REXO5: variants seen among roughly 807,000 people sequenced by gnomAD.
REXO5 encodes RNA exonuclease 5, also known as exonuclease NEF-sp.
In REXO5, 48 loss-of-function variants were observed where a neutral mutation model predicts 88.5. The observed-to-expected ratio is 0.54, with a 90% CI of 0.43 to 0.69. The LOEUF is 0.69. Among genes scored for constraint, REXO5 ranks in the 30% least tolerant of loss-of-function variants. The probability of loss-of-function intolerance (pLI) is 0.00; values close to 1 mark genes in which losing one functional copy is unlikely to be tolerated. For synonymous variants in REXO5, 311 were observed against 336.5 expected, an observed-to-expected ratio of 0.92 and a Z score of 0.83; for missense variants, 749 against 912.2, an observed-to-expected ratio of 0.82 and a Z score of 2.30.
intron 13 of REXO5, among the ~76,000 whole-genome samples, chr16:20,833,605 G>C (rs976445728): frequency 1.3e-5 from 2 of 152,018 alleles, no homozygotes; most frequent in Non-Finnish European, 2.9e-5. Context: ...TAGAACACCT[G>C]TATACTTTCT....
chr16:20,836,925 T>C (rs2081439785), intron 13 of REXO5, among the ~76,000 whole-genome samples: 1 of 152,352 alleles, frequency 6.6e-6, no homozygotes, highest in South Asian at 2.1e-4. Flanking sequence ...ATCTCTTCTT[T>C]GGTGAAGTGT....
intron 11 of REXO5, among the ~76,000 whole-genome samples, chr16:20,830,864 C>G (rs1274461807): frequency 6.6e-6 from 1 of 151,880 alleles, no homozygotes; most frequent in Non-Finnish European, 1.5e-5. Context: ...CCTGAAGACC[C>G]AGGGACTCTG....
Position 20,825,964 on chromosome 16 carries a change from C to T in REXO5, c.821+16C>T, listed in dbSNP as rs2081254171. The T allele has an allele frequency of 1.3e-6, 2 of 1,530,394 alleles. No homozygotes were observed. The highest frequency in any genetic ancestry group is 2.7e-5 in the African/African-American group (2 of 73,274). 94.8% of individuals were successfully genotyped at this position (1,530,394 alleles called of 1,614,324 possible). Reference sequence around the variant, plus strand: ...ACCTCACCAGGTATTTTTCACCTTGCCTGCAGCTCTTCTAAGAGCTATCGG... The same window carrying T: ...ACCTCACCAGGTATTTTTCACCTTGTCTGCAGCTCTTCTAAGAGCTATCGG... On this transcript the variant is annotated intron_variant, in intron 8 of 19. Coordinates refer to ENST00000261377, the MANE Select transcript of REXO5 (RefSeq NM_030941.3).
rs774223735 is a variant in REXO5 at position 20,832,226 on chromosome 16, A to C, written c.1229A>C (p.Asn410Thr). 6.2e-7 allele frequency: 1 copy of C among 1,612,506 alleles called. No individual in the cohort carries two copies. The highest frequency in any genetic ancestry group is 1.3e-5 in the African/African-American group (1 of 74,854). The part of the protein sequence containing the change: ...EIQAAGQEPK[N>T]TAEVLQHPNT... ...CAAGCAGCAGGCCAAGAGCCTAAAAACACAGCAGAAGTACTTCAGCACCCA... is the reference window on the plus strand; with the variant it reads ...CAAGCAGCAGGCCAAGAGCCTAAAACCACAGCAGAAGTACTTCAGCACCCA... Residue 410 changes from asparagine to threonine, a missense_variant, in exon 12 of 20, where the codon AAC (asparagine) becomes ACC (threonine). Asn to Thr is a moderately conservative substitution (Grantham distance 65). Transcript: ENST00000261377.
chr16:20,817,273 C>T (rs2081095189), intron 5 of REXO5, among the ~76,000 whole-genome samples: 1 of 152,156 alleles, frequency 6.6e-6, no homozygotes, highest in Non-Finnish European at 1.5e-5. Flanking sequence ...CATGGATGCC[C>T]ATTTTTGATC....
chr16:20,807,862 C>T lies in REXO5; in HGVS notation c.138+771C>T, dbSNP rs570864966. ...TCGTGCAGTTTACATTCCAGTAGGG[C>T]GGGGGTCCCCAACCCCCTGTGCACA... On this transcript the variant is annotated intron_variant, in intron 2 of 19. Transcript: ENST00000261377. 9.2e-5 allele frequency among the ~76,000 whole-genome samples: 14 copies of T among 152,226 alleles called. No individual in the cohort carries two copies. The East Asian group carries it at 1.5e-3, about 17-fold the overall frequency.
At chr16:20,810,588 A>G (rs996990943) in intron 2 of REXO5, among the ~76,000 whole-genome samples, 1 of 152,058 alleles carries the variant, frequency 6.6e-6, no homozygotes, top group African/African-American at 2.4e-5. Context: ...TTTAGTGGAG[A>G]TGGCGTTTGA....
chr16:20,829,159 A>G (rs1051949288), intron 11 of REXO5, among the ~76,000 whole-genome samples: 7 of 152,234 alleles, frequency 4.6e-5, no homozygotes, highest in African/African-American at 4.8e-5. Flanking sequence ...TCTGAACAAC[A>G]TCAGTTTTTG....
intron 12 of REXO5, 25 bp from the exon 13 acceptor site, chr16:20,832,978 C>T: frequency 6.2e-7 from 1 of 1,601,812 alleles, no homozygotes; most frequent in South Asian, 1.1e-5. Flanking sequence ...GTTGTTCTTA[C>T]CTTAACTCTT....
intron 6 of REXO5, 119 bp downstream of exon 6, chr16:20,822,021 A>G (rs1245437507): frequency 1.0e-6 from 1 of 991,566 alleles, no homozygotes; most frequent in East Asian, 2.8e-5. Flanking sequence ...TTCTTATTTC[A>G]TCTTCTATTA....
At chr16:20,813,134 T>A in intron 2 of REXO5, 56 bp from the exon 3 acceptor site, 1 of 1,139,200 alleles carries the variant, frequency 8.8e-7, no homozygotes. Context: ...TAACTTGCTT[T>A]GTTGGTATTC....
chr16:20,832,320 C>A, intron 12 of REXO5, 61 bp downstream of exon 12: 1 of 1,034,540 alleles, frequency 9.7e-7, no homozygotes, highest in Non-Finnish European at 1.5e-6. Flanking sequence ...TCTTATTTAA[C>A]AACACCTGAG....
chr16:20,829,674 A>G (rs993373664), intron 11 of REXO5, among the ~76,000 whole-genome samples: 1 of 152,214 alleles, frequency 6.6e-6, no homozygotes, highest in African/African-American at 2.4e-5. Context: ...AATGCTGTAT[A>G]TACATTATCT....
intron 5 of REXO5, 58 bp downstream of exon 5, chr16:20,816,270 G>T (rs2081079577): frequency 5.0e-6 from 7 of 1,391,142 alleles, no homozygotes; most frequent in Non-Finnish European, 5.0e-6. Context: ...GGATATGATT[G>T]TAAGTAGGTT....
intron 19 of REXO5, among the ~76,000 whole-genome samples, chr16:20,846,636 A>G (rs1200313339): frequency 6.6e-6 from 1 of 152,216 alleles, no homozygotes; most frequent in Non-Finnish European, 1.5e-5. Context: ...TTGAGTAAAA[A>G]AAGTAAAGTC....
At chr16:20,842,524 G>C (rs2081545376) in intron 15 of REXO5, among the ~76,000 whole-genome samples, 1 of 150,472 alleles carries the variant, frequency 6.6e-6, no homozygotes, top group Non-Finnish European at 1.5e-5. Context: ...ACCCAGGCTG[G>C]AGTTCAGTGG....
At chr16:20,815,181 GACCTTA>G in intron 4 of REXO5, 128 bp downstream of exon 4, 1 of 848,480 alleles carries the variant, frequency 1.2e-6, no homozygotes, top group South Asian at 2.2e-5. Flanking sequence ...AAAGCAAAAA[GACCTTA>G]GAGGCCTCAT....
chr16:20,822,044 CT>C, intron 6 of REXO5, 142 bp downstream of exon 6: 1 of 839,966 alleles, frequency 1.2e-6, no homozygotes, highest in Non-Finnish European at 1.7e-6. Flanking sequence ...GAGGAAATAT[CT>C]TCGGCACAGT....
chr16:20,830,311 C>T (rs935316100), intron 11 of REXO5, among the ~76,000 whole-genome samples: 2 of 151,944 alleles, frequency 1.3e-5, no homozygotes, highest in South Asian at 2.1e-4. Context: ...CTCAGCTTCC[C>T]GAGCAGCTGG....
Sources: allele counts gnomAD v4.1 joint callset (sites outside exome capture counted in the v4.1 genomes callset), GRCh38; gene constraint gnomAD v4.1.1; transcripts MANE v1.5; gene names NCBI Gene and HGNC (gene_info 2026-07-23, HGNC 2026-07-21).